Variants in ANKFN1 observed in about 807,000 individuals in gnomAD.
ANKFN1 encodes the protein ankyrin repeat and fibronectin type-III domain-containing protein 1.
ANKFN1 carries 74 observed loss-of-function variants against 108.7 expected under a neutral mutation model. The observed-to-expected ratio is 0.68, with a 90% CI of 0.56 to 0.83. ANKFN1 has a LOEUF of 0.83. Ranked by LOEUF, ANKFN1 falls within the 40% of genes least tolerant of loss-of-function variation. ANKFN1 has a pLI of 0.00. For synonymous variants in ANKFN1, 547 were observed against 516.2 expected (o/e 1.06, Z -0.81); for missense variants, 1,505 against 1,382.3 (o/e 1.09, Z -1.41).
chr17:56,084,422 A>C (rs917477839), intron 4 of ANKFN1, among the ~76,000 whole-genome samples: 4 of 151,426 alleles, frequency 2.6e-5, no homozygotes, highest in Non-Finnish European at 5.9e-5. Context: ...TTTTCCCTGT[A>C]AGACACATTT....
In ANKFN1 at chr17:56,200,497, T is replaced by G. The variant is rs144444313; in HGVS notation, c.-70-12101T>G. Among the ~76,000 whole-genome samples the G allele has an allele frequency of 3.2e-3, 484 of 152,324 alleles. 2 individuals carry two copies. Among genetic ancestry groups the G allele is most frequent in the African/African-American group, 0.011 (460 of 41,566 alleles). ...CGGTGAGGTCCTTAGAAATGAAATA[T>G]TACACAGAACCTCAACATCTAATGC... On this transcript the variant is annotated intron_variant, in intron 1 of 20. Coordinates refer to ENST00000682825, the MANE Select transcript of ANKFN1 (RefSeq NM_001370326.1).
chr17:56,046,242 AAGCAGCAGCAAC>A (rs763812865), exon 4 of ANKFN1: 10 of 160,274 alleles, frequency 6.2e-5, no homozygotes, highest in African/African-American at 2.4e-4. Flanking sequence ...GCAACAGGAA[AAGCAGCAGCAAC>A]AGCAGCAGCA....
intron 4 of ANKFN1, among the ~76,000 whole-genome samples, chr17:56,138,108 C>T (rs1450161981): frequency 1.3e-5 from 2 of 152,148 alleles, no homozygotes; most frequent in African/African-American, 4.8e-5. Flanking sequence ...GAAGCAAGCC[C>T]ACATCTAGAA....
At chr17:56,094,711 G>A (rs1300866786) in intron 4 of ANKFN1, among the ~76,000 whole-genome samples, 5 of 143,732 alleles carry the variant, frequency 3.5e-5, no homozygotes, top group East Asian at 2.0e-4. Context: ...TAGTAGAGAC[G>A]GGGTTTCACC....
chr17:56,216,479 A>G (rs1379684336), intron 2 of ANKFN1, among the ~76,000 whole-genome samples: 2 of 152,238 alleles, frequency 1.3e-5, no homozygotes, highest in African/African-American at 2.4e-5. Context: ...TTGAATATAA[A>G]TGGAACTTCA....
intron 1 of ANKFN1, chr17:56,206,338 C>T (rs1269986154): frequency 6.6e-6 from 1 of 152,132 alleles, no homozygotes; most frequent in Non-Finnish European, 1.5e-5. Context: ...ATAAAGTTCT[C>T]CCCTCCCCAT....
intron 4 of ANKFN1, among the ~76,000 whole-genome samples, chr17:56,102,627 A>G (rs1905668550): frequency 1.2e-5 from 1 of 86,594 alleles, no homozygotes; most frequent in Non-Finnish European, 2.2e-5. Context: ...AGCCCTTCCT[A>G]GCCTTTTTTT....
At chr17:56,188,929 G>T (rs1225172440) in intron 1 of ANKFN1, among the ~76,000 whole-genome samples, 1 of 151,870 alleles carries the variant, frequency 6.6e-6, no homozygotes, top group African/African-American at 2.4e-5. Flanking sequence ...AGAGCATAGG[G>T]ACTGGAGACA....
chr17:56,320,761 T>G (rs1200154757), intron 3 of ANKFN1, among the ~76,000 whole-genome samples: 1 of 152,166 alleles, frequency 6.6e-6, no homozygotes, highest in Non-Finnish European at 1.5e-5. Flanking sequence ...TTCAGTGAAG[T>G]GTTTGTAACC....
intron 8 of ANKFN1, among the ~76,000 whole-genome samples, chr17:56,387,698 G>A (rs2047315505): frequency 1.3e-5 from 2 of 152,046 alleles, no homozygotes; most frequent in Admixed American, 1.3e-4. Flanking sequence ...TAAAATATTC[G>A]TCCCTTTGGT....
At chr17:56,137,033 TACTACAGATTGGGTGGTGGAAATGC>T (rs1222971133) in intron 4 of ANKFN1, among the ~76,000 whole-genome samples, 2 of 152,186 alleles carry the variant, frequency 1.3e-5, no homozygotes, top group Non-Finnish European at 2.9e-5. Flanking sequence ...AAGAAACATC[TACTACAGATTGGGTGGTGGAAATGC>T]ACAGATGAGG....
At chr17:56,359,283 C>T (rs1598456039) in intron 6 of ANKFN1, among the ~76,000 whole-genome samples, 1 of 152,186 alleles carries the variant, frequency 6.6e-6, no homozygotes, top group East Asian at 1.9e-4. Flanking sequence ...ACCTTCAAGT[C>T]TTCTAGTAAC....
chr17:56,376,409 C>G (rs372234850), intron 8 of ANKFN1, among the ~76,000 whole-genome samples: 9 of 152,184 alleles, frequency 5.9e-5, no homozygotes, highest in African/African-American at 2.2e-4. Context: ...GATGGCCCCC[C>G]ACAGCCATCC....
At chr17:56,179,647 C>G (rs1911500111) in intron 1 of ANKFN1, among the ~76,000 whole-genome samples, 1 of 152,182 alleles carries the variant, frequency 6.6e-6, no homozygotes, top group African/African-American at 2.4e-5. Context: ...ATTTTAATCC[C>G]TGCTTGGCTT....
chr17:56,255,363 G>C (rs143493735), intron 3 of ANKFN1, among the ~76,000 whole-genome samples: 136 of 152,252 alleles, frequency 8.9e-4, no homozygotes, highest in African/African-American at 2.9e-3. Flanking sequence ...ACACCTAGGA[G>C]TAGGATTTAT....
At chr17:56,349,742 C>A (rs1395446980) in intron 4 of ANKFN1, among the ~76,000 whole-genome samples, 3 of 151,874 alleles carry the variant, frequency 2.0e-5, no homozygotes, top group Admixed American at 1.3e-4. Flanking sequence ...TCACATATAC[C>A]CCAAAATGTG....
rs546106778 is a variant in ANKFN1, at chr17:56,506,377, G to C, written c.2645-4096G>C. Among the ~76,000 whole-genome samples, 6 of 152,210 alleles carry C rather than the reference G, an allele frequency of 3.9e-5. No homozygotes were observed. The East Asian group carries it at 9.7e-4, about 24-fold the overall frequency. ...CCCAATGAAAAGTTCCCTTATAAGA[G>C]ACAGAAAAGAAGGCACAGACACAGA... On this transcript the variant is annotated intron_variant, in intron 20 of 20. Coordinates refer to ENST00000682825, the MANE Select transcript of ANKFN1 (RefSeq NM_001370326.1).
At chr17:56,352,331 G>T (rs1247453242) in intron 5 of ANKFN1, among the ~76,000 whole-genome samples, 4 of 152,182 alleles carry the variant, frequency 2.6e-5, no homozygotes, top group African/African-American at 9.6e-5. Context: ...TGCAGCCTTT[G>T]ATAGGGAGAA....
At chr17:56,339,499 C>T (rs186288719) in intron 4 of ANKFN1, among the ~76,000 whole-genome samples, 13 of 152,200 alleles carry the variant, frequency 8.5e-5, no homozygotes, top group Middle Eastern at 3.4e-3. Flanking sequence ...TCTCTTGTTC[C>T]CCTCTATGTG....
Sources: gnomAD v4.1 joint callset for allele counts (sites outside exome capture counted in the v4.1 genomes callset) on GRCh38, gnomAD v4.1.1 for gene constraint, MANE v1.5 for transcripts, NCBI Gene and HGNC (gene_info 2026-07-23, HGNC 2026-07-21) for gene names.